ACSL1: variants seen among roughly 807,000 people sequenced by gnomAD.
ACSL1 encodes long-chain-fatty-acid--CoA ligase 1.
In ACSL1, 41 loss-of-function variants were observed where a neutral mutation model predicts 98.4. That is an observed-to-expected ratio of 0.42 (90% CI 0.32 to 0.54). The LOEUF is 0.54. Ranked by LOEUF, ACSL1 falls within the 20% of genes least tolerant of loss-of-function variation. The pLI is 0.13. For missense variants in ACSL1, 734 were observed against 883.1 expected, an observed-to-expected ratio of 0.83 and a Z score of 2.14; for synonymous variants, 316 against 322.7, an observed-to-expected ratio of 0.98 and a Z score of 0.22.
Position 184,763,145 on chromosome 4 carries a change from ATGAC to A in ACSL1, c.1521+18_1521+21del. 6.2e-7 allele frequency: 1 copy of A among 1,610,370 alleles called. No homozygotes were observed. The highest frequency in any genetic ancestry group is 8.5e-7 in the Non-Finnish European group (1 of 1,178,808). On this transcript the variant is annotated intron_variant, in intron 16 of 20. Coordinates refer to ENST00000281455, the MANE Select transcript of ACSL1 (RefSeq NM_001995.5). ...TCACAGGAAATGGCAGCGAGGGAAAATGACTGACGGTTTTCACTCACCTCGCCCT... is the reference window on the plus strand; with the variant it reads ...TCACAGGAAATGGCAGCGAGGGAAAATGACGGTTTTCACTCACCTCGCCCT...
At chr4:184,758,679 G>A (rs1224044764) in intron 18 of ACSL1, 6 of 151,718 alleles carry the variant, frequency 4.0e-5, no homozygotes, top group South Asian at 2.1e-4. Flanking sequence ...TAGATCAAAC[G>A]AAAATAGCTG....
At chr4:184,782,925 C>T (rs1021562547) in intron 4 of ACSL1, among the ~76,000 whole-genome samples, 2 of 152,188 alleles carry the variant, frequency 1.3e-5, no homozygotes, top group African/African-American at 2.4e-5. Context: ...CTTCCACAGA[C>T]GCACCCCAAA....
rs187135750 is a variant in ACSL1, at chr4:184,773,981, C to T, written c.757-106G>A. The T allele has an allele frequency of 3.5e-5, 44 of 1,250,716 alleles. No homozygotes were observed. Among genetic ancestry groups the T allele is most frequent in the Admixed American group, 2.1e-4 (10 of 46,772 alleles). The allele number at this position is 1,250,716 out of a possible 1,614,324, so 77.5% of individuals were successfully genotyped here. A position where few individuals can be genotyped will look rare whatever the true frequency, so the allele number is the denominator to read the frequency against. ...CTGGCTTTACTGTGGGGTTCATTCA[C>T]ACCTGGCTCGAAAACAGCATAATTT... On this transcript the variant is annotated intron_variant, in intron 7 of 20. Transcript: ENST00000281455. The surrounding 1 kb of genome is among the most constrained non-coding windows in gnomAD (Gnocchi z 4.3).
intron 1 of ACSL1, among the ~76,000 whole-genome samples, chr4:184,817,138 T>C (rs1180984206): frequency 6.6e-6 from 1 of 152,098 alleles, no homozygotes; most frequent in Non-Finnish European, 1.5e-5. Context: ...CACAGGCCTA[T>C]TTGACATGAA....
intron 2 of ACSL1, among the ~76,000 whole-genome samples, chr4:184,794,875 C>A (rs1448768016): frequency 6.6e-6 from 1 of 151,846 alleles, no homozygotes; most frequent in East Asian, 1.9e-4. Flanking sequence ...TTTTTCTTTT[C>A]ATTCCTAGTC....
rs1763666918 is a variant in ACSL1 at position 184,766,736 on chromosome 4, G to C, written c.1149C>G (p.Thr383=). The change falls in exon 13 of 21, where the codon ACC becomes ACG. Residue 383 remains threonine (T), a synonymous_variant. Coordinates refer to ENST00000281455, the MANE Select transcript of ACSL1 (RefSeq NM_001995.5). This position sits in a 1 kb window ranked among gnomAD's most constrained non-coding sequence, Gnocchi z 4.8. Reference sequence around the variant, plus strand: ...AGTCCAAGAGCCATCGCTTCAGCGTGGTGTTTGCTTGTCCGAAAATCTAAT... The same window carrying C: ...AGTCCAAGAGCCATCGCTTCAGCGTCGTGTTTGCTTGTCCGAAAATCTAAT... ...MFDRIFGQAN[T]TLKRWLLDFA... 6 of 1,612,490 alleles carry C rather than the reference G, an allele frequency of 3.7e-6. No individual in the cohort carries two copies. Among genetic ancestry groups the C allele is most frequent in the Non-Finnish European group, 5.1e-6 (6 of 1,178,802 alleles).
At chr4:184,762,084 G>A (rs112535963) in intron 17 of ACSL1, among the ~76,000 whole-genome samples, 10,400 of 151,220 alleles carry the variant, frequency 0.069, 495 homozygotes, top group Non-Finnish European at 0.093. Context: ...CCGAGATCAC[G>A]CCATTGCACT....
chr4:184,823,961 T>G (rs1350981049), intron 1 of ACSL1, among the ~76,000 whole-genome samples: 1 of 152,154 alleles, frequency 6.6e-6, no homozygotes, highest in African/African-American at 2.4e-5. Flanking sequence ...TAACCCTACA[T>G]GCATGGGTCA....
At chr4:184,776,842 C>T in intron 6 of ACSL1, 42 bp downstream of exon 6, 1 of 1,596,980 alleles carries the variant, frequency 6.3e-7, no homozygotes, top group Non-Finnish European at 8.6e-7. Flanking sequence ...TGAACCTAAC[C>T]AATAACTATG....
intron 2 of ACSL1, among the ~76,000 whole-genome samples, chr4:184,794,681 C>T (rs1207584239): frequency 6.6e-6 from 1 of 152,196 alleles, no homozygotes; most frequent in African/African-American, 2.4e-5. Context: ...TCGAACCTAG[C>T]TCAATGAGAC....
intron 4 of ACSL1, among the ~76,000 whole-genome samples, chr4:184,781,229 C>CAAAAAAAA (rs34392146): frequency 1.4e-5 from 1 of 70,114 alleles, no homozygotes; most frequent in Admixed American, 1.9e-4. Context: ...GACTCCATCT[C>CAAAAAAAA]AAAAAAAAAA....
Position 184,813,029 on chromosome 4 carries a change from C to CAAACA in ACSL1, c.-32-9488_-32-9484dup, listed in dbSNP as rs377037417. Among the ~76,000 whole-genome samples, 636 of 152,206 alleles carry CAAACA rather than the reference C, an allele frequency of 4.2e-3. 6 individuals carry two copies. The highest frequency in any genetic ancestry group is 0.028 in the East Asian group (144 of 5,190). ...AGGATATGCCCAACATTCTCCAGAG[C>CAAACA]AAACAAAACAAAACAAAACAAAACA... On this transcript the variant is annotated intron_variant, in intron 1 of 20. Transcript: ENST00000281455.
chr4:184,785,600 C>CGGGGGGGGGG (rs1174393165), intron 3 of ACSL1, among the ~76,000 whole-genome samples: 1 of 19,146 alleles, frequency 5.2e-5, no homozygotes, highest in African/African-American at 8.0e-5. Flanking sequence ...TCCTCCTGGG[C>CGGGGGGGGGG]GGGGGCGGGG....
At chr4:184,782,830 C>A (rs1012275098) in intron 4 of ACSL1, among the ~76,000 whole-genome samples, 1 of 152,074 alleles carries the variant, frequency 6.6e-6, no homozygotes, top group Non-Finnish European at 1.5e-5. Flanking sequence ...AGAGGACGGA[C>A]GGGGAGAAAT....
Position 184,825,360 on chromosome 4 carries a change from G to C in ACSL1, c.-33+556C>G, listed in dbSNP as rs533054087. 2.4e-5 allele frequency: 13 copies of C among 547,272 alleles called. No individual in the cohort carries two copies. The highest frequency in any genetic ancestry group is 1.8e-3 in the Middle Eastern group (2 of 1,118). 33.9% of individuals were successfully genotyped at this position (547,272 alleles called of 1,614,324 possible). ...GGGCACTCCTCTGGAGTCACCGAGA[G>C]AATGTCTGCCTCTGGCAGCGGCCTC... On this transcript the variant is annotated intron_variant, in intron 1 of 20. Transcript: ENST00000281455. This position sits in a 1 kb window ranked among gnomAD's most constrained non-coding sequence, Gnocchi z 4.7.
At chr4:184,800,407 T>A (rs535193572) in intron 2 of ACSL1, among the ~76,000 whole-genome samples, 84 of 152,244 alleles carry the variant, frequency 5.5e-4, no homozygotes, top group Non-Finnish European at 9.9e-4. Context: ...TCCGAAAAGG[T>A]TTCCAGTCAC....
At chr4:184,809,670 C>A (rs1003460152) in intron 1 of ACSL1, among the ~76,000 whole-genome samples, 3 of 152,044 alleles carry the variant, frequency 2.0e-5, no homozygotes, top group Admixed American at 2.0e-4. Flanking sequence ...GTGGCAGGCG[C>A]CTGTAGTCCC....
chr4:184,800,181 T>G (rs781674924), intron 2 of ACSL1, among the ~76,000 whole-genome samples: 5 of 152,188 alleles, frequency 3.3e-5, no homozygotes, highest in African/African-American at 4.8e-5. Flanking sequence ...TCAGTCCTCT[T>G]AGCAACACTG....
chr4:184,759,054 C>T (rs1762516501), intron 18 of ACSL1, among the ~76,000 whole-genome samples: 1 of 152,010 alleles, frequency 6.6e-6, no homozygotes, highest in Non-Finnish European at 1.5e-5. Context: ...CAGCTTCATC[C>T]ATGTCCCTGC....
Sources: gnomAD v4.1 joint callset for allele counts (sites outside exome capture counted in the v4.1 genomes callset) on GRCh38, gnomAD v4.1.1 for gene constraint, Gnocchi (gnomAD v3.1) non-coding constraint, MANE v1.5 for transcripts, NCBI Gene and HGNC (gene_info 2026-07-23, HGNC 2026-07-21) for gene names.